ABCC4: variants seen among roughly 807,000 people sequenced by gnomAD.
ABCC4 encodes the protein ATP binding cassette subfamily C member 4 (PEL blood group).
Under a neutral mutation model 168.5 loss-of-function variants are expected in ABCC4, and 102 were observed. The ratio of observed to expected loss-of-function variants is 0.61; its 90% confidence interval spans 0.52 to 0.71. The LOEUF (loss-of-function observed/expected upper bound fraction) is 0.71, where lower values mean the gene tolerates loss of function less well. ABCC4 is among the 30% of genes least tolerant of loss of function. ABCC4 has a pLI of 0.00. For missense variants in ABCC4, 1,402 were observed against 1,605.8 expected (o/e 0.87, Z 2.17); for synonymous variants, 617 against 590.7 (o/e 1.04, Z -0.65).
intron 8 of ABCC4, 122 bp downstream of exon 8, chr13:95,206,410 G>T (rs907457073): frequency 1.5e-6 from 2 of 1,301,908 alleles, no homozygotes; most frequent in Non-Finnish European, 2.1e-6. Flanking sequence ...CTGGAATGGC[G>T]GCACGTTTTG....
intron 19 of ABCC4, among the ~76,000 whole-genome samples, chr13:95,129,764 G>T (rs1389433578): frequency 1.3e-5 from 2 of 152,052 alleles, no homozygotes; most frequent in Non-Finnish European, 2.9e-5. Context: ...TTGCTTTCAA[G>T]AAAAACTTAA....
intron 30 of ABCC4, among the ~76,000 whole-genome samples, chr13:95,029,146 G>GA (rs1270147765): frequency 9.3e-5 from 13 of 139,722 alleles, no homozygotes; most frequent in African/African-American, 3.6e-4. Flanking sequence ...CAACAGGAGT[G>GA]AAACTGCTTT....
intron 20 of ABCC4, among the ~76,000 whole-genome samples, chr13:95,099,786 G>A (rs2034733786): frequency 1.3e-5 from 2 of 152,144 alleles, no homozygotes; most frequent in Non-Finnish European, 2.9e-5. Context: ...CAACGCAAAT[G>A]AGAGAGAACA....
chr13:95,178,142 T>G, intron 11 of ABCC4, 51 bp from the exon 12 acceptor site: 2 of 1,480,574 alleles, frequency 1.4e-6, no homozygotes, highest in Non-Finnish European at 1.9e-6. Flanking sequence ...AAACATGTTC[T>G]TCCTCTGTTC....
At chr13:95,032,458 G>A (rs187911397) in intron 30 of ABCC4, among the ~76,000 whole-genome samples, 10 of 152,278 alleles carry the variant, frequency 6.6e-5, no homozygotes, top group Non-Finnish European at 1.0e-4. Flanking sequence ...AGTGCCCAGC[G>A]TAATACTGTG....
chr13:95,073,119 T>A, intron 24 of ABCC4, 85 bp downstream of exon 24: 6 of 1,075,864 alleles, frequency 5.6e-6, no homozygotes, highest in East Asian at 2.6e-5. Context: ...AAAATAACAG[T>A]TTTAATATTT....
chr13:95,257,669 A>G (rs1594392836), intron 1 of ABCC4, among the ~76,000 whole-genome samples: 1 of 152,036 alleles, frequency 6.6e-6, no homozygotes, highest in African/African-American at 2.4e-5. Context: ...TCTCAAAAAA[A>G]AAAAGAAAGA....
chr13:95,113,008 T>C (rs750578626), intron 20 of ABCC4, among the ~76,000 whole-genome samples: 2 of 152,232 alleles, frequency 1.3e-5, no homozygotes, highest in Non-Finnish European at 2.9e-5. Context: ...ATTGATGCGG[T>C]AGACGAGGCC....
At chr13:95,231,540 A>G (rs2039621942) in intron 4 of ABCC4, among the ~76,000 whole-genome samples, 1 of 152,180 alleles carries the variant, frequency 6.6e-6, no homozygotes, top group Admixed American at 6.5e-5. Flanking sequence ...GGGACCTTTC[A>G]GAGTCCTGCT....
intron 1 of ABCC4, among the ~76,000 whole-genome samples, chr13:95,278,842 G>A (rs1184769883): frequency 7.4e-6 from 1 of 135,092 alleles, no homozygotes; most frequent in African/African-American, 2.7e-5. Context: ...AACACAGACT[G>A]ACAACAACTC....
chr13:95,266,909 G>A (rs1234449122), intron 1 of ABCC4, among the ~76,000 whole-genome samples: 3 of 116,568 alleles, frequency 2.6e-5, no homozygotes, highest in Non-Finnish European at 3.4e-5. Context: ...ACGGAGTTTC[G>A]CCCAGGCTGG....
At chr13:95,193,554 C>T (rs1033540341) in intron 9 of ABCC4, among the ~76,000 whole-genome samples, 1 of 152,264 alleles carries the variant, frequency 6.6e-6, no homozygotes, top group Non-Finnish European at 1.5e-5. Flanking sequence ...ATTCCCTGCA[C>T]AAAATTCCCT....
At chr13:95,162,624 G>A (rs1023276391) in intron 18 of ABCC4, among the ~76,000 whole-genome samples, 1 of 152,190 alleles carries the variant, frequency 6.6e-6, no homozygotes, top group African/African-American at 2.4e-5. Context: ...GTGAAGCCCA[G>A]GAGATGAGCA....
At chr13:95,290,104 ATAG>A (rs1343134246) in intron 1 of ABCC4, among the ~76,000 whole-genome samples, 1 of 44,120 alleles carries the variant, frequency 2.3e-5, no homozygotes, top group African/African-American at 9.8e-5. Flanking sequence ...CTCAAAAAAA[ATAG>A]ATAGATAGAT....
chr13:95,206,547 G>A lies in ABCC4; in HGVS notation c.1146C>T (p.Ser382=), dbSNP rs1594296249. 1 of 1,613,750 alleles carries A rather than the reference G, an allele frequency of 6.2e-7. No individual in the cohort carries two copies. Among genetic ancestry groups the A allele is most frequent in the Non-Finnish European group, 8.5e-7 (1 of 1,179,672 alleles). ...TGACACCAACCTGGATTCTTCGGAT[G>A]CTGACGATTGCCTCTGACACCCTCT... ...AIERVSEAIV[S]IRRIQTFLLL... Residue 382 remains serine, a synonymous_variant, in exon 8 of 31, where the codon AGC becomes AGT. Transcript: ENST00000645237.
chr13:95,218,722 A>G (rs2138703110), intron 4 of ABCC4, among the ~76,000 whole-genome samples: 1 of 151,874 alleles, frequency 6.6e-6, no homozygotes, highest in Admixed American at 6.6e-5. Flanking sequence ...ATGGTGGCAC[A>G]TGCCTGTAGT....
chr13:95,075,255 C>A (rs1015875701), intron 22 of ABCC4, 177 bp downstream of exon 22: 1 of 766,272 alleles, frequency 1.3e-6, no homozygotes, highest in African/African-American at 1.8e-5. Flanking sequence ...GCAGCGATTC[C>A]GAGAGGAGTC....
At chr13:95,296,174 AC>A (rs1566609457) in intron 1 of ABCC4, among the ~76,000 whole-genome samples, 1,676 of 85,682 alleles carry the variant, frequency 0.02, 51 homozygotes, top group African/African-American at 0.063. Flanking sequence ...ACACACACAC[AC>A]ACACACACAA....
intron 1 of ABCC4, among the ~76,000 whole-genome samples, chr13:95,263,394 CTGTATA>C (rs1436186858): frequency 1.3e-5 from 2 of 152,078 alleles, no homozygotes; most frequent in East Asian, 3.9e-4. Context: ...CAAGAACCAA[CTGTATA>C]TGTATATGTG....
Sources: gnomAD v4.1 joint callset for allele counts (sites outside exome capture counted in the v4.1 genomes callset) on GRCh38, gnomAD v4.1.1 for gene constraint, MANE v1.5 for transcripts, NCBI Gene and HGNC (gene_info 2026-07-23, HGNC 2026-07-21) for gene names.